PKP4: variants seen among roughly 807,000 people sequenced by gnomAD.
PKP4 encodes plakophilin-4.
PKP4 carries 90 observed loss-of-function variants against 145.1 expected under a neutral mutation model. That is an observed-to-expected ratio of 0.62 (90% confidence interval 0.52 to 0.74). The LOEUF is 0.74. Ranked by LOEUF, PKP4 falls within the 30% of genes least tolerant of loss-of-function variation. PKP4 has a pLI of 0.00. For synonymous variants in PKP4, 563 were observed against 577.2 expected (o/e 0.98, Z 0.35); for missense variants, 1,340 against 1,482.7 (o/e 0.90, Z 1.58).
intron 2 of PKP4, among the ~76,000 whole-genome samples, chr2:158,575,185 G>A (rs1292285629): frequency 6.6e-6 from 1 of 152,170 alleles, no homozygotes; most frequent in Non-Finnish European, 1.5e-5. Flanking sequence ...TGTGTATGGA[G>A]GTTGTTTCCA....
intron 3 of PKP4, among the ~76,000 whole-genome samples, chr2:158,597,759 T>C (rs1433884867): frequency 6.6e-6 from 1 of 152,240 alleles, no homozygotes; most frequent in Non-Finnish European, 1.5e-5. Context: ...TAATGAGTTA[T>C]ATTCATATAT....
intron 1 of PKP4, among the ~76,000 whole-genome samples, chr2:158,476,920 A>C (rs1333071434): frequency 1.3e-5 from 2 of 152,162 alleles, no homozygotes; most frequent in South Asian, 2.1e-4. Context: ...TGGAATTAAT[A>C]ATCATCATAT....
At chr2:158,618,429 C>T (rs566690916) in intron 4 of PKP4, among the ~76,000 whole-genome samples, 5 of 151,898 alleles carry the variant, frequency 3.3e-5, no homozygotes, top group South Asian at 2.1e-4. Context: ...TTTTCTAGGG[C>T]GTTGCATTAA....
At chr2:158,594,753 ATATAGT>A (rs945465387) in intron 3 of PKP4, among the ~76,000 whole-genome samples, 2 of 152,208 alleles carry the variant, frequency 1.3e-5, no homozygotes, top group Non-Finnish European at 2.9e-5. Flanking sequence ...GTTTCAAAAA[ATATAGT>A]TAAATACTAA....
intron 8 of PKP4, among the ~76,000 whole-genome samples, chr2:158,633,158 T>C (rs2053527956): frequency 6.6e-6 from 1 of 152,238 alleles, no homozygotes; most frequent in Admixed American, 6.5e-5. Flanking sequence ...TCTATATCCA[T>C]GGAGAATACG....
chr2:158,555,759 C>T (rs1316976375), intron 2 of PKP4, among the ~76,000 whole-genome samples: 2 of 152,154 alleles, frequency 1.3e-5, no homozygotes, highest in Non-Finnish European at 2.9e-5. Context: ...TGATATAATT[C>T]GTAGGGTGGC....
At chr2:158,628,936 C>T (rs2105908063) in intron 7 of PKP4, among the ~76,000 whole-genome samples, 1 of 152,240 alleles carries the variant, frequency 6.6e-6, no homozygotes, top group South Asian at 2.1e-4. Context: ...GTGTCTGTGG[C>T]TCTGTTGGGT....
Position 158,625,177 on chromosome 2 carries a change from A to T in PKP4, c.903A>T (p.Gly301=). The change falls in exon 7 of 22, where the codon GGA becomes GGT. Residue 301 remains glycine (G), a synonymous_variant. Transcript: ENST00000389759. ...VTSRQTSNPN[G]PTPQYQTTAR... ...CCCGGCAGACCTCCAATCCCAACGGACCAACCCCTCAATACCAAACCACCG... is the reference window on the plus strand; with the variant it reads ...CCCGGCAGACCTCCAATCCCAACGGTCCAACCCCTCAATACCAAACCACCG... The T allele has an allele frequency of 6.2e-7, 1 of 1,614,126 alleles. No individual in the cohort carries two copies. Among genetic ancestry groups the T allele is most frequent in the Non-Finnish European group, 8.5e-7 (1 of 1,180,016 alleles).
At chr2:158,630,940 T>TTGTTTGTC in intron 7 of PKP4, among the ~76,000 whole-genome samples, 1 of 151,962 alleles carries the variant, frequency 6.6e-6, no homozygotes, top group Admixed American at 6.5e-5. Flanking sequence ...GTTTGTTTGT[T>TTGTTTGTC]TGTTTGTTTG....
At chr2:158,533,111 T>TCTA (rs1218091236) in intron 1 of PKP4, 69 bp from the exon 2 acceptor site, 4 of 1,449,238 alleles carry the variant, frequency 2.8e-6, no homozygotes, top group Non-Finnish European at 3.7e-6. Flanking sequence ...CTAGGAACCA[T>TCTA]CTGTAAAGCC....
At position 158,621,417 on chromosome 2, in the gene PKP4, T is replaced by G; in HGVS notation, c.599T>G (p.Val200Gly). 1 of 1,613,664 alleles carries G rather than the reference T, an allele frequency of 6.2e-7. No individual in the cohort carries two copies. Among genetic ancestry groups the G allele is most frequent in the Non-Finnish European group, 8.5e-7 (1 of 1,179,658 alleles). The stretch of plus-strand genomic sequence containing the variant: ...TCAAGAGCTGAAGGACAAACACTGG[T>G]TCAGGTAAGCCAAACGCATCAAGAT... Reference protein sequence around the residue: ...RNSRAEGQTLVQPSVANRAMR... With the variant: ...RNSRAEGQTLGQPSVANRAMR... Residue 200 changes from valine to glycine, a missense_variant, in exon 6 of 22, where the codon GTT (valine) becomes GGT (glycine). Transcript: ENST00000389759.
intron 2 of PKP4, among the ~76,000 whole-genome samples, chr2:158,550,062 G>C (rs764663358): frequency 9.9e-6 from 1 of 101,020 alleles, no homozygotes; most frequent in African/African-American, 2.7e-5. Context: ...CTCTCCTGAG[G>C]CTCCATCTAT....
chr2:158,523,720 G>A (rs1294866977), intron 1 of PKP4, among the ~76,000 whole-genome samples: 1 of 129,582 alleles, frequency 7.7e-6, no homozygotes, highest in Admixed American at 8.2e-5. Context: ...AGGCAAAGAA[G>A]TTAAAAACTT....
chr2:158,490,295 T>C (rs1428343739), intron 1 of PKP4, among the ~76,000 whole-genome samples: 2 of 151,802 alleles, frequency 1.3e-5, no homozygotes, highest in African/African-American at 4.8e-5. Flanking sequence ...GTTGTCCATC[T>C]TTCCTGCTAA....
chr2:158,654,531 G>A (rs1339252650), intron 11 of PKP4, among the ~76,000 whole-genome samples: 1 of 152,054 alleles, frequency 6.6e-6, no homozygotes, highest in Non-Finnish European at 1.5e-5. Flanking sequence ...TGCACTTTGA[G>A]GGATGGGGAT....
At position 158,617,003 on chromosome 2, in the gene PKP4, T is replaced by G. The variant is rs1327475800; in HGVS notation, c.281-3987T>G. ...TGTATTCCATCTTTTACCATGAGCT[T>G]AATGAGGTGGATAATATACCAGATT... On this transcript the variant is annotated intron_variant, in intron 4 of 21. Transcript: ENST00000389759. Among the ~76,000 whole-genome samples, 5 of 152,320 alleles carry G rather than the reference T, an allele frequency of 3.3e-5. No homozygotes were observed. In the East Asian group the frequency reaches 9.6e-4, roughly 29 times the overall value.
chr2:158,529,194 AT>A (rs1466245943), intron 1 of PKP4, among the ~76,000 whole-genome samples: 10 of 152,312 alleles, frequency 6.6e-5, no homozygotes, highest in African/African-American at 2.2e-4. Context: ...CCAACCTTTA[AT>A]TTTGATTCCA....
intron 2 of PKP4, chr2:158,549,281 T>C (rs530338915): frequency 6.5e-6 from 1 of 152,700 alleles, no homozygotes; most frequent in East Asian, 1.9e-4. Flanking sequence ...CTTCCAAAAA[T>C]AAATTAAGTT....
chr2:158,604,312 G>A (rs1334625472), intron 4 of PKP4, among the ~76,000 whole-genome samples: 2 of 152,156 alleles, frequency 1.3e-5, no homozygotes, highest in Non-Finnish European at 2.9e-5. Context: ...GTGATAAGAC[G>A]TGCAAAGTCT....
Sources: allele counts gnomAD v4.1 joint callset (sites outside exome capture counted in the v4.1 genomes callset), GRCh38; gene constraint gnomAD v4.1.1; transcripts MANE v1.5; gene names NCBI Gene and HGNC (gene_info 2026-07-23, HGNC 2026-07-21).